DNAJC25: variants seen among roughly 807,000 people sequenced by gnomAD.
DNAJC25 encodes the protein DnaJ heat shock protein family (Hsp40) member C25, also known as dnaJ homolog subfamily C member 25.
A neutral mutation model predicts 42.1 loss-of-function variants in DNAJC25; 26 were observed. The ratio of observed to expected loss-of-function variants is 0.62; its 90% CI spans 0.45 to 0.86. The LOEUF (loss-of-function observed/expected upper bound fraction) is 0.86, where lower values mean the gene tolerates loss of function less well. Ranked by LOEUF, DNAJC25 falls within the 40% of genes least tolerant of loss-of-function variation. The pLI, the probability that DNAJC25 is intolerant of heterozygous loss-of-function variation, is 0.00. For synonymous variants in DNAJC25, 189 were observed against 179.9 expected (o/e 1.05, Z -0.40); for missense variants, 404 against 459.4 (o/e 0.88, Z 1.10).
chr9:111,639,954 C>CCGTCTCCGTG (rs1830424733), intron 1 of DNAJC25, among the ~76,000 whole-genome samples: 1 of 149,022 alleles, frequency 6.7e-6, no homozygotes, highest in African/African-American at 2.5e-5. Context: ...CCGTCTCCGT[C>CCGTCTCCGTG]TCCGTCTCCC....
intron 3 of DNAJC25, 43 bp downstream of exon 3, chr9:111,649,966 C>A: frequency 6.7e-7 from 1 of 1,485,250 alleles, no homozygotes; most frequent in Non-Finnish European, 9.0e-7. Context: ...ATCCACCTGA[C>A]CAAGTTAAAA....
At chr9:111,634,111 A>T (rs1453675245) in intron 1 of DNAJC25, among the ~76,000 whole-genome samples, 1 of 152,140 alleles carries the variant, frequency 6.6e-6, no homozygotes, top group African/African-American at 2.4e-5. Flanking sequence ...ATGTCTGGAG[A>T]TATTTTGGAC....
At chr9:111,641,401 TG>T (rs1411315945) in intron 1 of DNAJC25, among the ~76,000 whole-genome samples, 9 of 119,618 alleles carry the variant, frequency 7.5e-5, no homozygotes, top group African/African-American at 2.9e-4. Context: ...GGGAGGGAGG[TG>T]GGGGGGTCAG....
intron 2 of DNAJC25, 78 bp downstream of exon 2, chr9:111,647,337 A>G (rs775283586): frequency 1.5e-5 from 22 of 1,487,032 alleles, no homozygotes; most frequent in Non-Finnish European, 1.8e-5. Context: ...TTAAAACCTA[A>G]CTGCGAGTAT....
chr9:111,642,954 C>T (rs751585767), intron 1 of DNAJC25: 1 of 470,756 alleles, frequency 2.1e-6, no homozygotes. Context: ...AGCTTATTGC[C>T]CTGCTTGTCA....
chr9:111,643,417 C>G (rs187133840), intron 1 of DNAJC25, among the ~76,000 whole-genome samples: 177 of 152,222 alleles, frequency 1.2e-3, no homozygotes, highest in Non-Finnish European at 2.2e-3. Context: ...GTGATAAGTG[C>G]TATAATAAAT....
chr9:111,631,996 C>T (rs896723951), intron 1 of DNAJC25, among the ~76,000 whole-genome samples: 3 of 152,262 alleles, frequency 2.0e-5, no homozygotes, highest in Non-Finnish European at 4.4e-5. Context: ...AAACTTTGGC[C>T]ATCTTACGAT....
intron 1 of DNAJC25, among the ~76,000 whole-genome samples, chr9:111,636,224 G>T (rs192234916): frequency 1.3e-5 from 2 of 152,280 alleles, no homozygotes; most frequent in African/African-American, 4.8e-5. Flanking sequence ...GACATTTCTG[G>T]TAGAGGGGAA....
Position 111,653,090 on chromosome 9 carries a change from A to C in DNAJC25, c.961-10A>C. On this transcript the variant is annotated splice_polypyrimidine_tract_variant and intron_variant, in intron 3 of 3. Coordinates refer to ENST00000313525, the MANE Select transcript of DNAJC25 (RefSeq NM_001015882.3). ...GGATTGTGAAGTCATCTAGTTATTT[A>C]TACTTACAGGTCTACAAGCAAGAAC... 1 of 1,579,006 alleles carries C rather than the reference A, an allele frequency of 6.3e-7. No homozygotes were observed. The highest frequency in any genetic ancestry group is 1.2e-5 in the South Asian group (1 of 84,846).
chr9:111,634,137 C>T (rs1830330797), intron 1 of DNAJC25, among the ~76,000 whole-genome samples: 1 of 152,080 alleles, frequency 6.6e-6, no homozygotes, highest in African/African-American at 2.4e-5. Flanking sequence ...AAAATCAGAC[C>T]CAGCAGAACT....
chr9:111,631,516 G>T lies in DNAJC25; in HGVS notation c.109G>T (p.Gly37Trp). 7.5e-7 allele frequency: 1 copy of T among 1,333,796 alleles called. No homozygotes were observed. Among genetic ancestry groups the T allele is most frequent in the Non-Finnish European group, 9.5e-7 (1 of 1,048,554 alleles). 82.6% of individuals were successfully genotyped at this position (1,333,796 alleles called of 1,614,324 possible). A position where few individuals can be genotyped will look rare whatever the true frequency, so the allele number is the denominator to read the frequency against. The change falls in exon 1 of 4, where the codon GGG (glycine) becomes TGG (tryptophan). Residue 37 changes from glycine to tryptophan, a missense_variant. Coordinates refer to ENST00000313525, the MANE Select transcript of DNAJC25 (RefSeq NM_001015882.3). ...GGCGCTGCTGCTGGTGCGGCCCGCG[G>T]GGGCCCTGGTGGAGGGGCTCTACTG... ...LPALLLVRPA[G>W]ALVEGLYCGT... is the part of the protein sequence containing the mutation.
At chr9:111,642,304 C>A (rs1830488442) in intron 1 of DNAJC25, among the ~76,000 whole-genome samples, 1 of 100,172 alleles carries the variant, frequency 1.0e-5, no homozygotes. Flanking sequence ...TGATCTGTGA[C>A]CTTACCCCCA....
At chr9:111,638,488 C>A (rs1830396729) in intron 1 of DNAJC25, among the ~76,000 whole-genome samples, 1 of 152,156 alleles carries the variant, frequency 6.6e-6, no homozygotes, top group African/African-American at 2.4e-5. Flanking sequence ...CCTTGAGGAT[C>A]CAGAAATTGA....
intron 1 of DNAJC25, among the ~76,000 whole-genome samples, chr9:111,641,695 T>C (rs1173390043): frequency 1.1e-3 from 97 of 90,494 alleles, no homozygotes; most frequent in Admixed American, 1.7e-3. Context: ...TCAGCCCCCC[T>C]GCCCGGCCAG....
intron 2 of DNAJC25, among the ~76,000 whole-genome samples, 165 bp downstream of exon 2, chr9:111,647,424 C>G (rs900620131): frequency 2.6e-5 from 4 of 152,184 alleles, no homozygotes; most frequent in African/African-American, 9.7e-5. Flanking sequence ...AGTGGCAAAT[C>G]TAAGAAATTG....
Position 111,631,659 on chromosome 9 carries a change from G to T in DNAJC25, c.252G>T (p.Gln84His), listed in dbSNP as rs760530524. ...ACCACCCTGACCGCTACCGGCCCCAGCCCGGAGACGAGGGCCCCGGGCGGA... is the reference window on the plus strand; with the variant it reads ...ACCACCCTGACCGCTACCGGCCCCATCCCGGAGACGAGGGCCCCGGGCGGA... ...RRYHPDRYRP[Q>H]PGDEGPGRTP... Residue 84 changes from glutamine (Q) to histidine (H), a missense_variant, in exon 1 of 4, where the codon CAG becomes CAT. By Grantham distance (24) the Gln-to-His change is conservative (BLOSUM62 0). Coordinates refer to ENST00000313525, the MANE Select transcript of DNAJC25 (RefSeq NM_001015882.3). The T allele has an allele frequency of 1.3e-6, 2 of 1,520,626 alleles. No homozygotes were observed. Among genetic ancestry groups the T allele is most frequent in the South Asian group, 1.2e-5 (1 of 83,322 alleles). The allele number at this position is 1,520,626 out of a possible 1,614,324, so 94.2% of individuals were successfully genotyped here.
At chr9:111,647,443 T>A (rs1182601954) in intron 2 of DNAJC25, among the ~76,000 whole-genome samples, 184 bp downstream of exon 2, 1 of 152,252 alleles carries the variant, frequency 6.6e-6, no homozygotes, top group Non-Finnish European at 1.5e-5. Flanking sequence ...TGTTGAAGAA[T>A]GTCATTACTA....
intron 1 of DNAJC25, among the ~76,000 whole-genome samples, chr9:111,641,313 G>A (rs796906186): frequency 4.8e-3 from 608 of 126,778 alleles, no homozygotes; most frequent in African/African-American, 8.3e-3. Flanking sequence ...GAAGTGAGGA[G>A]CCCCTCTGCC....
chr9:111,633,306 A>C (rs10817200), intron 1 of DNAJC25, among the ~76,000 whole-genome samples: 1 of 151,990 alleles, frequency 6.6e-6, no homozygotes, highest in African/African-American at 2.4e-5. Context: ...GATGGTAATA[A>C]GGTTGTGGTG....
Sources: allele counts gnomAD v4.1 joint callset (sites outside exome capture counted in the v4.1 genomes callset), GRCh38; gene constraint gnomAD v4.1.1; transcripts MANE v1.5; gene names NCBI Gene and HGNC (gene_info 2026-07-23, HGNC 2026-07-21).